Variants in PLB1 observed in about 807,000 individuals in gnomAD.
PLB1 encodes phospholipase B1, membrane-associated.
In PLB1, 242 loss-of-function variants were observed where a neutral mutation model predicts 227.4. The observed-to-expected ratio is 1.06, with a 90% CI of 0.96 to 1.18. PLB1 has a LOEUF of 1.18. Ranked by LOEUF, PLB1 falls within the 50% of genes most tolerant of loss-of-function variation. PLB1 has a pLI of 0.00. For missense variants in PLB1, 1,858 were observed against 1,816.3 expected, an observed-to-expected ratio of 1.02 and a Z score of -0.42; for synonymous variants, 757 against 682.2, an observed-to-expected ratio of 1.11 and a Z score of -1.71.
intron 14 of PLB1, among the ~76,000 whole-genome samples, chr2:28,547,930 A>T (rs1056903329): frequency 6.6e-6 from 1 of 152,168 alleles, no homozygotes; most frequent in African/African-American, 2.4e-5. Context: ...CTAAGTTGAT[A>T]ATCTGCTGGT....
chr2:28,553,274 G>A (rs758373650), intron 17 of PLB1, among the ~76,000 whole-genome samples: 2 of 152,168 alleles, frequency 1.3e-5, no homozygotes, highest in Non-Finnish European at 2.9e-5. Context: ...CTGCCTTGAC[G>A]CCTTGATGGG....
At chr2:28,569,244 C>T (rs1236035606) in intron 20 of PLB1, among the ~76,000 whole-genome samples, 2 of 150,212 alleles carry the variant, frequency 1.3e-5, no homozygotes, top group Non-Finnish European at 3.0e-5. Context: ...AGATACTAGC[C>T]ATTCTCAGCA....
intron 23 of PLB1, 85 bp from the exon 24 acceptor site, chr2:28,581,983 A>G (rs1013266088): frequency 6.9e-6 from 9 of 1,308,488 alleles, no homozygotes; most frequent in Middle Eastern, 1.9e-4. Flanking sequence ...AAAAAAAAGA[A>G]GGGGACCCAA....
chr2:28,513,136 A>T lies in PLB1; in HGVS notation c.56-3672A>T, dbSNP rs112086309. Among the ~76,000 whole-genome samples, 884 of 152,214 alleles carry T rather than the reference A, an allele frequency of 5.8e-3. 9 individuals carry two copies. Among genetic ancestry groups the T allele is most frequent in the African/African-American group, 0.02 (844 of 41,530 alleles). On this transcript the variant is annotated intron_variant, in intron 1 of 57. Coordinates refer to ENST00000327757, the MANE Select transcript of PLB1 (RefSeq NM_153021.5). ...TGTGTTTTTAAATTTTCTCTTGACT[A>T]TGGTTTATTTAATGTTGTCTCCTGG... is the stretch of plus-strand genomic sequence containing the variant.
chr2:28,582,594 G>A (rs970927873), intron 25 of PLB1, 89 bp downstream of exon 25: 3 of 1,034,916 alleles, frequency 2.9e-6, no homozygotes, highest in East Asian at 5.2e-5. Flanking sequence ...AAAACCCAAG[G>A]GCCGAAGTGT....
chr2:28,606,220 G>A (rs377206750), intron 42 of PLB1, among the ~76,000 whole-genome samples: 1 of 152,086 alleles, frequency 6.6e-6, no homozygotes, highest in Admixed American at 6.5e-5. Context: ...CCTATGTGCC[G>A]GCCACCATGT....
At chr2:28,592,593 C>A in intron 31 of PLB1, 68 bp from the exon 32 acceptor site, 1 of 1,499,964 alleles carries the variant, frequency 6.7e-7, no homozygotes, top group African/African-American at 1.4e-5. Flanking sequence ...TTGCTTGAAG[C>A]CAGAGGCACT....
At chr2:28,527,190 T>C (rs950952831) in intron 6 of PLB1, among the ~76,000 whole-genome samples, 2 of 152,174 alleles carry the variant, frequency 1.3e-5, no homozygotes, top group African/African-American at 2.4e-5. Flanking sequence ...TTCGTCTCAA[T>C]TTTTCCTCCC....
chr2:28,520,842 G>T (rs576099237), intron 4 of PLB1, among the ~76,000 whole-genome samples: 2 of 152,154 alleles, frequency 1.3e-5, no homozygotes, highest in African/African-American at 2.4e-5. Context: ...GGGCATGGTC[G>T]TGGGCACCTG....
intron 55 of PLB1, 137 bp downstream of exon 55, chr2:28,632,277 A>T: frequency 1.5e-6 from 1 of 671,676 alleles, no homozygotes; most frequent in Non-Finnish European, 2.5e-6. Flanking sequence ...GGCTTTTTCC[A>T]CATTACCTCC....
At position 28,592,733 on chromosome 2, in the gene PLB1, G is replaced by C. The variant is rs770479687; in HGVS notation, c.2247+14G>C. ...GATTCTCTGACCGTAAGGACTCTTGGGCCCCAGGTGGTTTGGGGATAACTA... is the reference window on the plus strand; with the variant it reads ...GATTCTCTGACCGTAAGGACTCTTGCGCCCCAGGTGGTTTGGGGATAACTA... On this transcript the variant is annotated intron_variant, in intron 32 of 57. Coordinates refer to ENST00000327757, the MANE Select transcript of PLB1 (RefSeq NM_153021.5). The C allele has an allele frequency of 1.2e-6, 2 of 1,613,522 alleles. No individual in the cohort carries two copies. Among genetic ancestry groups the C allele is most frequent in the Admixed American group, 3.3e-5 (2 of 59,918 alleles).
intron 43 of PLB1, among the ~76,000 whole-genome samples, chr2:28,612,687 C>T (rs1685630680): frequency 6.7e-6 from 1 of 150,100 alleles, no homozygotes; most frequent in Non-Finnish European, 1.5e-5. Context: ...CATCTTACTG[C>T]AACCCCTGCC....
rs566047593 is a variant in PLB1, at chr2:28,566,573, G to A, written c.1281-223G>A. 2.6e-4 allele frequency: 134 copies of A among 517,920 alleles called. 1 individual carries two copies. In the South Asian group the frequency reaches 3.2e-3, roughly 12 times the overall value. 32.1% of individuals were successfully genotyped at this position (517,920 alleles called of 1,614,324 possible). A position where few individuals can be genotyped will look rare whatever the true frequency, so the allele number is the denominator to read the frequency against. On this transcript the variant is annotated intron_variant, in intron 19 of 57. Coordinates refer to ENST00000327757, the MANE Select transcript of PLB1 (RefSeq NM_153021.5). ...TCCCCAACATCAGCGAAAATCAGCC[G>A]CTGGTTTAAAGCTGGCGTTTTGTTT...
intron 51 of PLB1, among the ~76,000 whole-genome samples, chr2:28,626,853 G>C (rs1687868830): frequency 1.3e-5 from 2 of 152,156 alleles, no homozygotes. Context: ...TCCCTGCCCT[G>C]TTTCATTTTG....
chr2:28,504,272 C>T (rs768164994), intron 1 of PLB1, among the ~76,000 whole-genome samples: 1 of 152,200 alleles, frequency 6.6e-6, no homozygotes, highest in Non-Finnish European at 1.5e-5. Context: ...CATCTTCTAG[C>T]TTATTCAGTC....
Position 28,632,206 on chromosome 2 carries a change from C to CCA in PLB1, c.4002+67_4002+68insAC, listed in dbSNP as rs1449093656. ...CTTATCACAGACGATGGATGTATTT[C>CCA]CTTCTCTAAGTGGGCTTTTTTTTTT... On this transcript the variant is annotated intron_variant, in intron 55 of 57. Coordinates refer to ENST00000327757, the MANE Select transcript of PLB1 (RefSeq NM_153021.5). 1.4e-4 allele frequency: 186 copies of CCA among 1,324,680 alleles called. 1 individual carries two copies. Among genetic ancestry groups the CCA allele is most frequent in the Non-Finnish European group, 1.9e-4 (175 of 940,700 alleles). 82.1% of individuals were successfully genotyped at this position (1,324,680 alleles called of 1,614,324 possible).
intron 43 of PLB1, among the ~76,000 whole-genome samples, chr2:28,611,955 A>G (rs1685515238): frequency 6.6e-6 from 1 of 152,006 alleles, no homozygotes; most frequent in Non-Finnish European, 1.5e-5. Context: ...CCTGGCTAAC[A>G]TGGTGAACCC....
intron 16 of PLB1, 78 bp from the exon 17 acceptor site, chr2:28,552,850 A>G: frequency 8.2e-7 from 1 of 1,215,422 alleles, no homozygotes. Context: ...ATGTTTTCCA[A>G]AATAGAGGCC....
intron 46 of PLB1, among the ~76,000 whole-genome samples, chr2:28,619,522 TTG>T (rs369726359): frequency 0.06 from 5,163 of 86,622 alleles, 165 homozygotes; most frequent in East Asian, 0.24. Flanking sequence ...TTTCAAGGTT[TTG>T]TTTTTTTTTT....
Sources: gnomAD v4.1 joint callset for allele counts (sites outside exome capture counted in the v4.1 genomes callset) on GRCh38, gnomAD v4.1.1 for gene constraint, MANE v1.5 for transcripts, NCBI Gene and HGNC (gene_info 2026-07-23, HGNC 2026-07-21) for gene names.